The following PPFIBP2 variants were observed in gnomAD, a reference collection of about 807,000 sequenced individuals.
PPFIBP2 encodes PPFIB scaffold protein 2.
In PPFIBP2, 118 loss-of-function variants were observed where a neutral mutation model predicts 118.3. The observed-to-expected ratio is 1.00, with a 90% confidence interval of 0.86 to 1.16. The LOEUF (loss-of-function observed/expected upper bound fraction) is 1.16. Among genes scored for constraint, PPFIBP2 ranks in the 50% most tolerant of loss-of-function variants. PPFIBP2 has a pLI of 0.00. For missense variants in PPFIBP2, 1,195 were observed against 1,073.1 expected, an observed-to-expected ratio of 1.11 and a Z score of -1.59; for synonymous variants, 414 against 397.4, an observed-to-expected ratio of 1.04 and a Z score of -0.50.
chr11:7,615,569 C>CATCA (rs1848543707), intron 6 of PPFIBP2, among the ~76,000 whole-genome samples: 1 of 152,156 alleles, frequency 6.6e-6, no homozygotes, highest in African/African-American at 2.4e-5. Flanking sequence ...GAGTAGCAAC[C>CATCA]TATTTGTTAG....
At position 7,593,225 on chromosome 11, in the gene PPFIBP2, G is replaced by A. The variant is rs1484560054; in HGVS notation, c.372+1G>A. On this transcript the variant is annotated splice_donor_variant, in intron 4 of 23. Transcript: ENST00000299492. LOFTEE classifies it high-confidence loss of function. ...GGATAAGGAGTCCCTCATATTGCAG[G>A]TGGGTACTTTTTGGTGAGAATCGGC... 1.9e-6 allele frequency: 3 copies of A among 1,613,672 alleles called. No individual in the cohort carries two copies. Among genetic ancestry groups the A allele is most frequent in the East Asian group, 2.2e-5 (1 of 44,878 alleles).
chr11:7,541,157 C>A (rs1398033703), intron 1 of PPFIBP2, among the ~76,000 whole-genome samples: 1 of 152,190 alleles, frequency 6.6e-6, no homozygotes, highest in African/African-American at 2.4e-5. Context: ...ATCAGAATCA[C>A]CCGAATGGCT....
chr11:7,563,208 A>G lies in PPFIBP2; in HGVS notation c.65-2345A>G, dbSNP rs1215298444. Among the ~76,000 whole-genome samples the G allele has an allele frequency of 2.6e-5, 4 of 152,118 alleles. No individual in the cohort carries two copies. The East Asian group carries it at 7.7e-4, about 29-fold the overall frequency. ...CTCACTCTTCCCACATTTATGAAATACTTAAACTGGATGGCTACGTGTTTA... is the reference window on the plus strand; with the variant it reads ...CTCACTCTTCCCACATTTATGAAATGCTTAAACTGGATGGCTACGTGTTTA... On this transcript the variant is annotated intron_variant, in intron 2 of 23. Transcript: ENST00000299492.
At chr11:7,549,838 C>A (rs1276426620) in intron 2 of PPFIBP2, among the ~76,000 whole-genome samples, 1 of 152,092 alleles carries the variant, frequency 6.6e-6, no homozygotes, top group Non-Finnish European at 1.5e-5. Flanking sequence ...GAGACTGATT[C>A]TAATGTAAAA....
intron 17 of PPFIBP2, 105 bp from the exon 18 acceptor site, chr11:7,648,278 GTTTT>G (rs1853416616): frequency 7.6e-7 from 1 of 1,310,310 alleles, no homozygotes; most frequent in Admixed American, 2.6e-5. Context: ...TAAAAAACAG[GTTTT>G]TTGTTTTGTT....
chr11:7,664,538 A>G, the PPFIBP2 span, among the ~76,000 whole-genome samples: 9 of 152,194 alleles, frequency 5.9e-5, no homozygotes, highest in African/African-American at 1.9e-4. Context: ...GACAACCAAC[A>G]TGTCTTTGGA....
At chr11:7,517,967 G>T (rs980403510) in intron 1 of PPFIBP2, among the ~76,000 whole-genome samples, 3 of 152,226 alleles carry the variant, frequency 2.0e-5, no homozygotes, top group African/African-American at 7.2e-5. Context: ...GCTTACCTGG[G>T]TATGGGCATT....
chr11:7,562,932 TATA>T (rs1854471549), intron 2 of PPFIBP2, among the ~76,000 whole-genome samples: 5 of 3,634 alleles, frequency 1.4e-3, no homozygotes, highest in South Asian at 0.01. Flanking sequence ...TAAAGTTTTA[TATA>T]TATATATATA....
At chr11:7,595,387 C>T (rs538594766) in intron 4 of PPFIBP2, among the ~76,000 whole-genome samples, 1 of 152,244 alleles carries the variant, frequency 6.6e-6, no homozygotes, top group African/African-American at 2.4e-5. Context: ...ACTTTTGAAC[C>T]AGGACCCTTC....
chr11:7,534,466 TA>T (rs1416861974), intron 1 of PPFIBP2, among the ~76,000 whole-genome samples: 5 of 152,236 alleles, frequency 3.3e-5, no homozygotes, highest in Non-Finnish European at 7.3e-5. Flanking sequence ...GGCAATGAAA[TA>T]ATTTCACGTC....
chr11:7,651,841 C>G lies in PPFIBP2; in HGVS notation c.2433C>G (p.Val811=). The stretch of plus-strand genomic sequence containing the variant: ...CACCACTGACCACCACAGCCAAAGT[C>G]CGGGTGAGTTGCAGAGCCTTTCTGG... ...AYTPLTTTAK[V]RPRKLGFSHF... The change falls in exon 23 of 24, where the codon GTC becomes GTG. Residue 811 remains valine (V), a synonymous_variant. Coordinates refer to ENST00000299492, the MANE Select transcript of PPFIBP2 (RefSeq NM_003621.5). The G allele has an allele frequency of 6.2e-7, 1 of 1,607,842 alleles. No individual in the cohort carries two copies. Among genetic ancestry groups the G allele is most frequent in the Non-Finnish European group, 8.5e-7 (1 of 1,175,054 alleles).
chr11:7,642,433 C>T lies in PPFIBP2; in HGVS notation c.1646+7C>T. 1.2e-6 allele frequency: 2 copies of T among 1,608,392 alleles called. No individual in the cohort carries two copies. The highest frequency in any genetic ancestry group is 1.7e-6 in the Non-Finnish European group (2 of 1,176,658). ...ACTCCAAGGGACAGAAAAGGTAAGG[C>T]TTGACCCACTTTCCTTTGATCTCCC... is the stretch of plus-strand genomic sequence containing the variant. On this transcript the variant is annotated splice_region_variant and intron_variant, in intron 17 of 23. Transcript: ENST00000299492.
chr11:7,574,787 T>C (rs908240653), intron 3 of PPFIBP2, among the ~76,000 whole-genome samples: 2 of 152,154 alleles, frequency 1.3e-5, no homozygotes, highest in Non-Finnish European at 2.9e-5. Context: ...CCCTTCCCCT[T>C]TCCCTCCTGC....
downstream of PPFIBP2, among the ~76,000 whole-genome samples, chr11:7,657,397 G>A (rs1010315595): frequency 2.6e-5 from 4 of 152,054 alleles, no homozygotes; most frequent in African/African-American, 9.7e-5. Context: ...TCTGCAAGGG[G>A]TATCTGTGCG....
intron 2 of PPFIBP2, among the ~76,000 whole-genome samples, chr11:7,553,115 G>A (rs1007146662): frequency 2.0e-5 from 3 of 152,044 alleles, no homozygotes; most frequent in African/African-American, 4.8e-5. Context: ...TGGTTAGGAG[G>A]TATACATATA....
intron 2 of PPFIBP2, among the ~76,000 whole-genome samples, chr11:7,555,518 T>TC (rs1159206758): frequency 1.3e-5 from 2 of 152,176 alleles, no homozygotes; most frequent in African/African-American, 4.8e-5. Flanking sequence ...ACTGATCTTG[T>TC]CCCCGGCTTC....
chr11:7,581,936 A>C (rs1440961551), intron 3 of PPFIBP2, among the ~76,000 whole-genome samples: 1 of 152,022 alleles, frequency 6.6e-6, no homozygotes, highest in Non-Finnish European at 1.5e-5. Context: ...TCCTAGCTTC[A>C]AGCGATTCTC....
intron 3 of PPFIBP2, among the ~76,000 whole-genome samples, chr11:7,592,171 T>C (rs986310832): frequency 8.5e-5 from 13 of 152,204 alleles, no homozygotes; most frequent in African/African-American, 3.1e-4. Flanking sequence ...CTGCCAAGCC[T>C]CTGGGTGGCC....
intron 1 of PPFIBP2, among the ~76,000 whole-genome samples, chr11:7,529,085 A>T (rs755590595): frequency 6.6e-6 from 1 of 152,158 alleles, no homozygotes; most frequent in African/African-American, 2.4e-5. Context: ...AGACAGAGGA[A>T]ATATTCAGAG....
Sources: allele counts gnomAD v4.1 joint callset (sites outside exome capture counted in the v4.1 genomes callset), GRCh38; gene constraint gnomAD v4.1.1; transcripts MANE v1.5; gene names NCBI Gene and HGNC (gene_info 2026-07-23, HGNC 2026-07-21).